The following PKHD1 variants were observed in gnomAD, a reference collection of about 807,000 sequenced individuals.
The protein encoded by PKHD1 is PKHD1 ciliary IPT domain containing fibrocystin/polyductin, also known as fibrocystin.
A neutral mutation model predicts 412.0 loss-of-function variants in PKHD1; 291 were observed. That is an observed-to-expected ratio of 0.71 (90% confidence interval 0.64 to 0.78). PKHD1 has a LOEUF of 0.78. Ranked by LOEUF, PKHD1 falls within the 30% of genes least tolerant of loss-of-function variation. PKHD1 has a pLI of 0.00. For synonymous variants in PKHD1, 1,777 were observed against 1,821.5 expected (o/e 0.98, Z 0.62); for missense variants, 4,825 against 4,950.7 (o/e 0.97, Z 0.76).
intron 11 of PKHD1, among the ~76,000 whole-genome samples, chr6:52,069,139 T>C (rs1313847418): frequency 1.3e-5 from 2 of 152,234 alleles, no homozygotes; most frequent in African/African-American, 4.8e-5. Flanking sequence ...TGGAAAGATG[T>C]GCTTTAAGAC....
At chr6:51,977,856 G>A (rs1794658455) in intron 35 of PKHD1, among the ~76,000 whole-genome samples, 1 of 152,198 alleles carries the variant, frequency 6.6e-6, no homozygotes, top group Non-Finnish European at 1.5e-5. Context: ...CAAGCTACAT[G>A]TCACCTCTGG....
intron 60 of PKHD1, among the ~76,000 whole-genome samples, chr6:51,668,644 C>T (rs1486965650): frequency 1.3e-5 from 2 of 152,170 alleles, no homozygotes; most frequent in Non-Finnish European, 2.9e-5. Context: ...GGGAATGCTT[C>T]CAATTTTTGC....
At chr6:52,013,548 GA>G (rs1368840965) in intron 34 of PKHD1, among the ~76,000 whole-genome samples, 2 of 152,016 alleles carry the variant, frequency 1.3e-5, no homozygotes, top group African/African-American at 4.8e-5. Context: ...TATGAATTAA[GA>G]AGCACAGTTG....
chr6:51,763,500 A>G (rs1262780869), intron 55 of PKHD1, among the ~76,000 whole-genome samples: 1 of 152,144 alleles, frequency 6.6e-6, no homozygotes, highest in Non-Finnish European at 1.5e-5. Flanking sequence ...TAACCTTTTA[A>G]TTATAATTAA....
At chr6:51,928,117 A>G (rs1785978175) in intron 37 of PKHD1, among the ~76,000 whole-genome samples, 1 of 152,176 alleles carries the variant, frequency 6.6e-6, no homozygotes, top group African/African-American at 2.4e-5. Context: ...GACAATATGA[A>G]ATAAGAAGGA....
intron 37 of PKHD1, among the ~76,000 whole-genome samples, chr6:51,918,019 A>G (rs1196520058): frequency 6.6e-6 from 1 of 152,076 alleles, no homozygotes. Context: ...GACAAACAAG[A>G]GCCAGCCAGT....
chr6:51,804,371 G>T (rs1282528279), intron 52 of PKHD1, among the ~76,000 whole-genome samples: 1 of 75,664 alleles, frequency 1.3e-5, no homozygotes, highest in Non-Finnish European at 2.6e-5. Flanking sequence ...GGGGGGGGGG[G>T]GGCGGTAACA....
intron 52 of PKHD1, among the ~76,000 whole-genome samples, chr6:51,822,592 C>T (rs887963867): frequency 1.3e-5 from 2 of 152,186 alleles, no homozygotes; most frequent in Non-Finnish European, 2.9e-5. Flanking sequence ...CTTCCTTAGT[C>T]AATTCTTCTG....
At chr6:51,894,828 C>A (rs1303239031) in intron 43 of PKHD1, among the ~76,000 whole-genome samples, 2 of 152,222 alleles carry the variant, frequency 1.3e-5, no homozygotes, top group East Asian at 3.8e-4. Flanking sequence ...CTTGGTACAG[C>A]TCCATGACTA....
At chr6:51,928,830 G>T (rs6939222) in intron 37 of PKHD1, among the ~76,000 whole-genome samples, 6,480 of 152,088 alleles carry the variant, frequency 0.043, 153 homozygotes, top group African/African-American at 0.058. Context: ...GTGGACATTC[G>T]GACCCTTGAA....
Position 51,890,151 on chromosome 6 carries a change from TAC to T in PKHD1, c.6997-2908_6997-2907del, listed in dbSNP as rs1778884095. Among the ~76,000 whole-genome samples the T allele has an allele frequency of 3.3e-5, 5 of 152,272 alleles. No homozygotes were observed. The South Asian group carries it at 1.0e-3, about 32-fold the overall frequency. On this transcript the variant is annotated intron_variant, in intron 43 of 66. Transcript: ENST00000371117. ...AGTTTTATGAGTTTTGTATTATTAT[TAC>T]AGTTTCATAGCAAAGAAACTGAAGC...
chr6:51,909,273 A>G lies in PKHD1; in HGVS notation c.6682+10T>C. ...AAACATGAGAAAGTCCTAGGTCCGG[A>G]CCCCCTTACCTCTCATAGCTCCCAC... On this transcript the variant is annotated intron_variant, in intron 40 of 66. Coordinates refer to ENST00000371117, the MANE Select transcript of PKHD1 (RefSeq NM_138694.4). 6.2e-7 allele frequency: 1 copy of G among 1,608,200 alleles called. No homozygotes were observed. The highest frequency in any genetic ancestry group is 8.5e-7 in the Non-Finnish European group (1 of 1,175,020).
At chr6:51,624,196 C>G (rs993265265) in intron 66 of PKHD1, among the ~76,000 whole-genome samples, 1 of 152,138 alleles carries the variant, frequency 6.6e-6, no homozygotes, top group Admixed American at 6.6e-5. Flanking sequence ...GTTGGAAATA[C>G]AGGTGCATAC....
intron 53 of PKHD1, among the ~76,000 whole-genome samples, chr6:51,788,992 C>T (rs768149027): frequency 1.3e-5 from 2 of 152,126 alleles, no homozygotes; most frequent in African/African-American, 4.8e-5. Flanking sequence ...TTTGGACCCC[C>T]AACATCTGAC....
intron 21 of PKHD1, among the ~76,000 whole-genome samples, chr6:52,051,519 T>C (rs1806843989): frequency 6.6e-6 from 1 of 152,180 alleles, no homozygotes; most frequent in Admixed American, 6.5e-5. Flanking sequence ...CCGTTTCATG[T>C]ATGCTACCCC....
chr6:52,002,500 G>A (rs564525322), intron 35 of PKHD1, among the ~76,000 whole-genome samples: 2 of 152,256 alleles, frequency 1.3e-5, no homozygotes, highest in Non-Finnish European at 2.9e-5. Context: ...GAAAATACAG[G>A]CACAAGGGAC....
Position 51,736,495 on chromosome 6 carries a change from CAA to C in PKHD1, c.10156+7888_10156+7889del, listed in dbSNP as rs1783868037. Reference sequence around the variant, plus strand: ...TAAAATCCCTTGCAGCTGCGAATCCCAAAGAGTCTAATATTTTCTGAGACTCC... The same window carrying C: ...TAAAATCCCTTGCAGCTGCGAATCCCAGAGTCTAATATTTTCTGAGACTCC... On this transcript the variant is annotated intron_variant, in intron 60 of 66. Transcript: ENST00000371117. Among the ~76,000 whole-genome samples, 3 of 152,262 alleles carry C rather than the reference CAA, an allele frequency of 2.0e-5. No individual in the cohort carries two copies. In the South Asian group the frequency reaches 6.2e-4, roughly 32 times the overall value.
At chr6:51,964,675 C>T (rs147640531) in intron 35 of PKHD1, among the ~76,000 whole-genome samples, 25 of 152,136 alleles carry the variant, frequency 1.6e-4, no homozygotes, top group Non-Finnish European at 2.6e-4. Flanking sequence ...ACTTATGATG[C>T]CATAATGAAA....
intron 54 of PKHD1, 135 bp from the exon 55 acceptor site, chr6:51,772,924 A>C: frequency 1.5e-6 from 1 of 673,146 alleles, no homozygotes; most frequent in South Asian, 1.6e-5. Context: ...CCATATTATC[A>C]AAAGCATTAT....
Sources: allele counts gnomAD v4.1 joint callset (sites outside exome capture counted in the v4.1 genomes callset), GRCh38; gene constraint gnomAD v4.1.1; transcripts MANE v1.5; gene names NCBI Gene and HGNC (gene_info 2026-07-23, HGNC 2026-07-21).